The following LANCL3 variants were observed in gnomAD, a reference collection of about 807,000 sequenced individuals.
LANCL3 encodes LanC like family member 3.
Under a neutral mutation model 26.5 loss-of-function variants are expected in LANCL3, and 19 were observed. That is an observed-to-expected ratio of 0.72 (90% CI 0.50 to 1.05). The LOEUF is 1.05. Ranked by LOEUF, LANCL3 falls within the 50% of genes least tolerant of loss-of-function variation. The pLI is 0.00. For synonymous variants in LANCL3, 160 were observed against 166.6 expected, an observed-to-expected ratio of 0.96 and a Z score of 0.30; for missense variants, 318 against 362.7, an observed-to-expected ratio of 0.88 and a Z score of 1.00.
At chrX:37,674,951 C>T (rs1037953103) in intron 4 of LANCL3, among the ~76,000 whole-genome samples, 8 of 111,666 alleles carry the variant, frequency 7.2e-5, no homozygotes, top group Non-Finnish European at 1.5e-4. Flanking sequence ...CTGTAAACTA[C>T]TGTAAAAATG....
chrX:37,644,274 T>A (rs1393855714), intron 1 of LANCL3, among the ~76,000 whole-genome samples: 1 of 111,925 alleles, frequency 8.9e-6, no homozygotes, highest in African/African-American at 3.3e-5. Flanking sequence ...CCACAGCTAC[T>A]GAGTCAGAAT....
At chrX:37,639,811 T>G (rs1925816659) in intron 1 of LANCL3, among the ~76,000 whole-genome samples, 1 of 103,591 alleles carries the variant, frequency 9.7e-6, no homozygotes, top group Admixed American at 1.0e-4. Context: ...TTGGTCTAGA[T>G]TGAGATCTCT....
intron 3 of LANCL3, among the ~76,000 whole-genome samples, chrX:37,666,517 T>A (rs1370884366): frequency 8.9e-6 from 1 of 112,421 alleles, no homozygotes; most frequent in Non-Finnish European, 1.9e-5. Context: ...ACTTTTTATA[T>A]AGGAGAAAGG....
chrX:37,630,327 T>C (rs1485392238), intron 1 of LANCL3, among the ~76,000 whole-genome samples: 1 of 111,971 alleles, frequency 8.9e-6, no homozygotes, highest in Non-Finnish European at 1.9e-5. Flanking sequence ...CTAAAGTTGC[T>C]TATCAGCTTA....
chrX:37,658,525 G>T (rs782039420), intron 2 of LANCL3, among the ~76,000 whole-genome samples: 1 of 111,939 alleles, frequency 8.9e-6, no homozygotes, highest in Admixed American at 9.4e-5. Context: ...AATGTGCTTA[G>T]CTCAGTGAAC....
intron 1 of LANCL3, among the ~76,000 whole-genome samples, chrX:37,577,848 T>C (rs1923793429): frequency 8.9e-6 from 1 of 112,359 alleles, no homozygotes; most frequent in Admixed American, 9.4e-5. Flanking sequence ...ATTGGGTCTT[T>C]GGCTCATTTC....
At chrX:37,639,112 C>A (rs1448307950) in intron 1 of LANCL3, among the ~76,000 whole-genome samples, 1 of 105,982 alleles carries the variant, frequency 9.4e-6, no homozygotes, top group Non-Finnish European at 1.9e-5. Flanking sequence ...TACAAATGGG[C>A]CTAGGCATTT....
intron 1 of LANCL3, among the ~76,000 whole-genome samples, chrX:37,621,329 T>A (rs970630448): frequency 1.8e-5 from 2 of 112,184 alleles, no homozygotes; most frequent in African/African-American, 6.5e-5. Flanking sequence ...TAGATACCAT[T>A]GCTTAATAAG....
intron 1 of LANCL3, among the ~76,000 whole-genome samples, chrX:37,622,692 A>C (rs1220934950): frequency 8.9e-6 from 1 of 111,807 alleles, no homozygotes; most frequent in Non-Finnish European, 1.9e-5. Context: ...ATGTTATTGC[A>C]CTGGTGTCTA....
chrX:37,609,241 T>C (rs1924796438), intron 1 of LANCL3, among the ~76,000 whole-genome samples: 1 of 111,926 alleles, frequency 8.9e-6, no homozygotes, highest in South Asian at 3.8e-4. Flanking sequence ...TTAGATGCCG[T>C]CTTTATTGTA....
intron 1 of LANCL3, among the ~76,000 whole-genome samples, chrX:37,578,600 T>C (rs1923812862): frequency 8.9e-6 from 1 of 112,379 alleles, no homozygotes; most frequent in Non-Finnish European, 1.9e-5. Flanking sequence ...ATATATTTTA[T>C]GGCAGCAACT....
At position 37,680,607 on chromosome X, in the gene LANCL3, GT is replaced by G. The variant is rs1926915020; in HGVS notation, c.*4796del. 3.6e-5 allele frequency: 4 copies of G among 111,657 alleles called. No individual in the cohort carries two copies. The Admixed American group carries it at 3.8e-4, about 11-fold the overall frequency. The allele number at this position is 111,657 out of a possible 1,213,427, so 9.2% of individuals were successfully genotyped here. On this transcript the variant is annotated 3_prime_UTR_variant, in exon 5 of 5. Transcript: ENST00000378619. ...AAATAACCGAATCACCCATGTTTTT[GT>G]TCTTGCAGGGTTTGGTGAGTTATGT...
intron 2 of LANCL3, among the ~76,000 whole-genome samples, chrX:37,657,103 G>A (rs1926302680): frequency 8.9e-6 from 1 of 112,472 alleles, no homozygotes; most frequent in Non-Finnish European, 1.9e-5. Context: ...TCACCCAAGG[G>A]GTGAGGAAGC....
chrX:37,594,220 A>G (rs1255318281), intron 1 of LANCL3, among the ~76,000 whole-genome samples: 9 of 112,181 alleles, frequency 8.0e-5, no homozygotes, highest in Non-Finnish European at 1.7e-4. Flanking sequence ...AGATACTCCA[A>G]GTTTTTAAAA....
At chrX:37,606,955 C>T (rs1924734025) in intron 1 of LANCL3, among the ~76,000 whole-genome samples, 1 of 111,940 alleles carries the variant, frequency 8.9e-6, no homozygotes, top group South Asian at 3.7e-4. Context: ...AGGGTCTAGT[C>T]CTCTTCATCT....
At chrX:37,582,016 G>A (rs1556417103) in intron 1 of LANCL3, among the ~76,000 whole-genome samples, 1 of 110,834 alleles carries the variant, frequency 9.0e-6, no homozygotes, top group African/African-American at 3.3e-5. Context: ...CCACCTATGA[G>A]TGAGAACATA....
At chrX:37,583,498 A>C (rs781978219) in intron 1 of LANCL3, among the ~76,000 whole-genome samples, 1 of 111,552 alleles carries the variant, frequency 9.0e-6, no homozygotes, top group East Asian at 2.8e-4. Flanking sequence ...TTCATTGAGC[A>C]GTGGTTTGTA....
intron 1 of LANCL3, among the ~76,000 whole-genome samples, chrX:37,636,160 C>T (rs1480849856): frequency 2.7e-5 from 3 of 112,288 alleles, no homozygotes; most frequent in African/African-American, 9.7e-5. Flanking sequence ...CTTTTCATGG[C>T]TGCATAGTAT....
At chrX:37,642,967 T>G (rs1410063917) in intron 1 of LANCL3, among the ~76,000 whole-genome samples, 3 of 112,480 alleles carry the variant, frequency 2.7e-5, no homozygotes, top group African/African-American at 9.7e-5. Flanking sequence ...CATTATCATG[T>G]ACCAAACAGG....
Sources: allele counts gnomAD v4.1 joint callset (sites outside exome capture counted in the v4.1 genomes callset), GRCh38; gene constraint gnomAD v4.1.1; transcripts MANE v1.5; gene names NCBI Gene and HGNC (gene_info 2026-07-23, HGNC 2026-07-21).